METTL9: variants seen among roughly 807,000 people sequenced by gnomAD.
METTL9 encodes protein-L-histidine N-pros-methyltransferase.
In METTL9, 10 loss-of-function variants were observed where a neutral mutation model predicts 36.0. That is an observed-to-expected ratio of 0.28 (90% CI 0.17 to 0.47). The LOEUF is 0.47. Ranked by LOEUF, METTL9 falls within the 20% of genes least tolerant of loss-of-function variation. The pLI is 0.99. For missense variants in METTL9, 246 were observed against 383.5 expected (o/e 0.64, Z 3.00); for synonymous variants, 175 against 149.7 (o/e 1.17, Z -1.23).
At chr16:21,623,198 A>G (rs946768398) in intron 3 of METTL9, among the ~76,000 whole-genome samples, 2 of 152,194 alleles carry the variant, frequency 1.3e-5, no homozygotes, top group African/African-American at 2.4e-5. Context: ...GTGCAATGAA[A>G]CACCTGCACC....
Position 21,631,914 on chromosome 16 carries a change from T to G in METTL9, c.751+6799T>G, listed in dbSNP as rs563321605. 1.1e-3 allele frequency among the ~76,000 whole-genome samples: 175 copies of G among 152,338 alleles called. 1 individual carries two copies. The South Asian group carries it at 0.035, about 30-fold the overall frequency. Reference sequence around the variant, plus strand: ...TTACTACTTCCATCTCTCTTTCTCTTTGACTTTTTCTTTGTCTCTCTCTCT... The same window carrying G: ...TTACTACTTCCATCTCTCTTTCTCTGTGACTTTTTCTTTGTCTCTCTCTCT... On this transcript the variant is annotated intron_variant, in intron 4 of 4. Coordinates refer to ENST00000358154, the MANE Select transcript of METTL9 (RefSeq NM_016025.5).
At chr16:21,598,818 G>A (rs1252279559), upstream of METTL9, among the ~76,000 whole-genome samples, 1 of 152,142 alleles carries the variant, frequency 6.6e-6, no homozygotes, top group Non-Finnish European at 1.5e-5. Context: ...TCTAACTTGA[G>A]GTCTTCATTC....
At chr16:21,628,892 CT>C (rs35688864) in intron 4 of METTL9, among the ~76,000 whole-genome samples, 20,756 of 129,808 alleles carry the variant, frequency 0.16, 1,965 homozygotes, top group East Asian at 0.46. Context: ...TGAGATGTTT[CT>C]TTTTTTTTTT....
chr16:21,653,901 C>G (rs1298381302), intron 4 of METTL9: 2 of 152,176 alleles, frequency 1.3e-5, no homozygotes, highest in Non-Finnish European at 2.9e-5. Flanking sequence ...AGGCAATTCC[C>G]CAGACATGGG....
At chr16:21,600,050 C>T (rs1425602494) in intron 1 of METTL9, 152 bp downstream of exon 1, 1 of 693,560 alleles carries the variant, frequency 1.4e-6, no homozygotes, top group Non-Finnish European at 1.9e-6. Flanking sequence ...GCGCCTTCCC[C>T]GCCGGGCGTC....
rs769652733 is a variant in METTL9 at position 21,643,048 on chromosome 16, A to AT, written c.752-12170dup. ...AAACGTGCTTTATATCTGTATTTAC[A>AT]TTTTTTTTTGACATTTTACACTTAC... is the stretch of plus-strand genomic sequence containing the variant. On this transcript the variant is annotated intron_variant, in intron 4 of 4. Transcript: ENST00000358154. The AT allele has an allele frequency of 5.1e-3, 7,482 of 1,455,406 alleles. 198 individuals carry two copies. In the African/African-American group the frequency reaches 0.079, roughly 15 times the overall value. 90.2% of individuals were successfully genotyped at this position (1,455,406 alleles called of 1,614,324 possible).
Position 21,656,682 on chromosome 16 carries a change from C to T in METTL9, c.*1250C>T, listed in dbSNP as rs1222432440. ...TCACTACTTTATTTCTTTTTTCATC[C>T]AGGTGTTTCATTAAGTATTCTCATT... On this transcript the variant is annotated 3_prime_UTR_variant, in exon 5 of 5. Transcript: ENST00000358154. 2.0e-5 allele frequency: 3 copies of T among 152,040 alleles called. No homozygotes were observed. Among genetic ancestry groups the T allele is most frequent in the South Asian group, 2.1e-4 (1 of 4,822 alleles). 9.4% of individuals were successfully genotyped at this position (152,040 alleles called of 1,614,324 possible).
At chr16:21,638,592 C>T (rs1188361950) in intron 4 of METTL9, among the ~76,000 whole-genome samples, 1 of 152,142 alleles carries the variant, frequency 6.6e-6, no homozygotes, top group African/African-American at 2.4e-5. Flanking sequence ...GCTCTTAAAA[C>T]ACAGAATAGT....
chr16:21,639,320 G>C (rs1966186735), intron 4 of METTL9, among the ~76,000 whole-genome samples: 1 of 152,164 alleles, frequency 6.6e-6, no homozygotes, highest in Non-Finnish European at 1.5e-5. Context: ...TTATCTGAGG[G>C]ATTTTGTCTC....
At position 21,625,025 on chromosome 16, in the gene METTL9, T is replaced by G; in HGVS notation, c.661T>G (p.Leu221Val). ...LLDRCDQPLTLLKDIRSVLEP... is the reference protein window; with the variant it reads ...LLDRCDQPLTVLKDIRSVLEP... ...GGACCGCTGTGATCAGCCCCTGACT[T>G]TGTTAAAAGATATCAGAAGTGTCTT... The change falls in exon 4 of 5, where the codon TTG becomes GTG. Residue 221 changes from leucine (L) to valine (V), a missense_variant. Physicochemically the swap from Leu to Val is conservative, Grantham distance 32 (BLOSUM62 1). Coordinates refer to ENST00000358154, the MANE Select transcript of METTL9 (RefSeq NM_016025.5). 1 of 1,614,192 alleles carries G rather than the reference T, an allele frequency of 6.2e-7. No individual in the cohort carries two copies. The highest frequency in any genetic ancestry group is 2.2e-5 in the East Asian group (1 of 44,892).
At chr16:21,607,317 T>C (rs1029973612) in intron 1 of METTL9, among the ~76,000 whole-genome samples, 3 of 152,184 alleles carry the variant, frequency 2.0e-5, no homozygotes, top group Non-Finnish European at 2.9e-5. Flanking sequence ...TCAAGTGATC[T>C]GCCCACCTGG....
Position 21,616,388 on chromosome 16 carries a change from A to C in METTL9, c.357-1477A>C, listed in dbSNP as rs532500401. 9.9e-4 allele frequency among the ~76,000 whole-genome samples: 151 copies of C among 152,312 alleles called. 1 individual carries two copies. Among genetic ancestry groups the C allele is most frequent in the African/African-American group, 3.6e-3 (149 of 41,564 alleles). On this transcript the variant is annotated intron_variant, in intron 2 of 4. Coordinates refer to ENST00000358154, the MANE Select transcript of METTL9 (RefSeq NM_016025.5). ...TTATGTTATCTGTGAGTTCCACTTC[A>C]TTTAAAGAAAGGGTTCTGCTGCTTA...
At chr16:21,647,088 G>A (rs1292123761) in intron 4 of METTL9, 1 of 1,613,258 alleles carries the variant, frequency 6.2e-7, no homozygotes, top group Non-Finnish European at 8.5e-7. Flanking sequence ...TTACAGGCCT[G>A]AACAAGATGC....
In METTL9 at chr16:21,630,292, G is replaced by A. The variant is rs139470166; in HGVS notation, c.751+5177G>A. Among the ~76,000 whole-genome samples, 81 of 152,310 alleles carry A rather than the reference G, an allele frequency of 5.3e-4. 1 individual carries two copies. The Middle Eastern group carries it at 0.014, about 26-fold the overall frequency. Reference sequence around the variant, plus strand: ...CAAGTGCGGGGCCTGCCGAGCCTGCGCCCACCCGGAACCCACGCTGGCTCC... The same window carrying A: ...CAAGTGCGGGGCCTGCCGAGCCTGCACCCACCCGGAACCCACGCTGGCTCC... On this transcript the variant is annotated intron_variant, in intron 4 of 4. Transcript: ENST00000358154.
intron 4 of METTL9, chr16:21,643,557 GTCT>G: frequency 6.2e-7 from 1 of 1,602,906 alleles, no homozygotes; most frequent in Non-Finnish European, 8.5e-7. Flanking sequence ...CCTTTTGTGA[GTCT>G]TCTTTTATTT....
chr16:21,617,824 T>C, intron 2 of METTL9, 41 bp from the exon 3 acceptor site: 1 of 1,561,240 alleles, frequency 6.4e-7, no homozygotes. Context: ...GGGTGCTTAA[T>C]TTGCATAGAC....
Position 21,656,961 on chromosome 16 carries a change from T to C in METTL9, c.*1529T>C, listed in dbSNP as rs546722309. ...AGTGAAGTACAAATACTTAGCACCA[T>C]AGATTGTAAAAATAGAAAGAGGAAA... On this transcript the variant is annotated 3_prime_UTR_variant, in exon 5 of 5. Coordinates refer to ENST00000358154, the MANE Select transcript of METTL9 (RefSeq NM_016025.5). 6 of 152,222 alleles carry C rather than the reference T, an allele frequency of 3.9e-5. No individual in the cohort carries two copies. The East Asian group carries it at 7.7e-4, about 20-fold the overall frequency. The allele number at this position is 152,222 out of a possible 1,614,324, so 9.4% of individuals were successfully genotyped here.
At chr16:21,631,753 C>T (rs1028138698) in intron 4 of METTL9, among the ~76,000 whole-genome samples, 3 of 152,024 alleles carry the variant, frequency 2.0e-5, no homozygotes, top group Admixed American at 6.6e-5. Context: ...TCAGTGCTTT[C>T]GCGCTACGCC....
chr16:21,629,223 A>G (rs1567336124), intron 4 of METTL9, among the ~76,000 whole-genome samples: 2 of 152,032 alleles, frequency 1.3e-5, no homozygotes, highest in African/African-American at 2.4e-5. Context: ...CCTCCCAGAT[A>G]TATATTTTGA....
Sources: allele counts gnomAD v4.1 joint callset (sites outside exome capture counted in the v4.1 genomes callset), GRCh38; gene constraint gnomAD v4.1.1; transcripts MANE v1.5; gene names NCBI Gene and HGNC (gene_info 2026-07-23, HGNC 2026-07-21).